Variants in PAPPA observed in about 807,000 individuals in gnomAD.
The protein encoded by PAPPA is pappalysin-1.
In PAPPA, 60 loss-of-function variants were observed where a neutral mutation model predicts 164.0. The observed-to-expected ratio is 0.37, with a 90% CI of 0.30 to 0.45. PAPPA has a LOEUF of 0.45. Among genes scored for constraint, PAPPA ranks in the 20% least tolerant of loss-of-function variants. PAPPA has a pLI of 1.00. For synonymous variants in PAPPA, 875 were observed against 814.1 expected, an observed-to-expected ratio of 1.07 and a Z score of -1.27; for missense variants, 1,782 against 2,087.3, an observed-to-expected ratio of 0.85 and a Z score of 2.85.
chr9:116,154,056 G>A lies in PAPPA; in HGVS notation c.-117G>A. 5 of 1,148,092 alleles carry A rather than the reference G, an allele frequency of 4.4e-6. No homozygotes were observed. Among genetic ancestry groups the A allele is most frequent in the Non-Finnish European group, 4.3e-6 (4 of 925,112 alleles). 71.1% of individuals were successfully genotyped at this position (1,148,092 alleles called of 1,614,324 possible). On this transcript the variant is annotated 5_prime_UTR_variant, in exon 1 of 22. Coordinates refer to ENST00000328252, the MANE Select transcript of PAPPA (RefSeq NM_002581.5). The surrounding 1 kb of genome is among the most constrained non-coding windows in gnomAD (Gnocchi z 5.2). ...AGAAAAGAAAAAAGCAAGTGGAAAG[G>A]GGGGCTCGCCCAAGAAGGGTGAAGA... is the stretch of plus-strand genomic sequence containing the variant.
At chr9:116,323,410 G>A (rs1251722393) in intron 10 of PAPPA, among the ~76,000 whole-genome samples, 2 of 152,166 alleles carry the variant, frequency 1.3e-5, no homozygotes, top group African/African-American at 4.8e-5. Flanking sequence ...ACCGGGCTAT[G>A]TTTCTCCATC....
chr9:116,358,521 T>C (rs1365282451), intron 17 of PAPPA, among the ~76,000 whole-genome samples: 1 of 152,202 alleles, frequency 6.6e-6, no homozygotes, highest in African/African-American at 2.4e-5. Context: ...TGTAAACTGG[T>C]TTGCCCTGTT....
rs78600109 is a variant in PAPPA at position 116,217,125 on chromosome 9, A to G, written c.1919-2812A>G. Reference sequence around the variant, plus strand: ...CCATTTTTTCAAACTTATTTTTATCAACAAATGTGAAAATGGTTCCATTTT... The same window carrying G: ...CCATTTTTTCAAACTTATTTTTATCGACAAATGTGAAAATGGTTCCATTTT... On this transcript the variant is annotated intron_variant, in intron 4 of 21. Transcript: ENST00000328252. Among the ~76,000 whole-genome samples, 1,114 of 152,310 alleles carry G rather than the reference A, an allele frequency of 7.3e-3. 17 individuals carry two copies. The highest frequency in any genetic ancestry group is 0.026 in the African/African-American group (1,070 of 41,566).
intron 5 of PAPPA, among the ~76,000 whole-genome samples, chr9:116,221,741 A>C (rs556024020): frequency 2.6e-4 from 39 of 152,332 alleles, no homozygotes; most frequent in Middle Eastern, 3.4e-3. Context: ...AAGCCACAAA[A>C]AGAAGCAAGA....
At position 116,335,083 on chromosome 9, in the gene PAPPA, T is replaced by A; in HGVS notation, c.3611+9T>A. The A allele has an allele frequency of 1.2e-6, 2 of 1,609,530 alleles. No individual in the cohort carries two copies. The highest frequency in any genetic ancestry group is 8.5e-7 in the Non-Finnish European group (1 of 1,177,800). On this transcript the variant is annotated intron_variant, in intron 13 of 21. Transcript: ENST00000328252. Reference sequence around the variant, plus strand: ...AGCCCTGCCGAGCAGAGGTAAGGGATCCGCGGCAGACTCGCCCTAGGCCAC... The same window carrying A: ...AGCCCTGCCGAGCAGAGGTAAGGGAACCGCGGCAGACTCGCCCTAGGCCAC...
intron 7 of PAPPA, among the ~76,000 whole-genome samples, chr9:116,263,254 G>A (rs545011872): frequency 2.0e-5 from 3 of 152,236 alleles, no homozygotes; most frequent in African/African-American, 7.2e-5. Flanking sequence ...GACGTTACAG[G>A]GACACAGATT....
chr9:116,386,750 C>T (rs1846819140), intron 21 of PAPPA, among the ~76,000 whole-genome samples: 1 of 152,192 alleles, frequency 6.6e-6, no homozygotes, highest in South Asian at 2.1e-4. Flanking sequence ...GCCCAGACTG[C>T]CAGGGAACTT....
chr9:116,371,721 A>AACTT (rs1231208035), intron 19 of PAPPA, among the ~76,000 whole-genome samples: 2 of 151,908 alleles, frequency 1.3e-5, no homozygotes, highest in Non-Finnish European at 1.5e-5. Flanking sequence ...ATTGAGCTAT[A>AACTT]ACTTACTTCT....
rs752716344 is a variant in PAPPA, at chr9:116,154,584, A to T, written c.412A>T (p.Thr138Ser). 3.7e-6 allele frequency: 5 copies of T among 1,367,832 alleles called. No homozygotes were observed. In the South Asian group the frequency reaches 6.8e-5, roughly 19 times the overall value. 84.7% of individuals were successfully genotyped at this position (1,367,832 alleles called of 1,614,324 possible). A position where few individuals can be genotyped will look rare whatever the true frequency, so the allele number is the denominator to read the frequency against. ...GGGCCAGAGGTCTCCGGCAGTGATC[A>T]CAGGTAGGTGAGGGCGCCTCGGCGG... Reference protein sequence around the residue: ...EGGQRSPAVITGLYDKCSYIS... With the variant: ...EGGQRSPAVISGLYDKCSYIS... Residue 138 changes from threonine (T) to serine (S), a missense_variant, in exon 1 of 22, where the codon ACA becomes TCA. Transcript: ENST00000328252. The surrounding 1 kb of genome is among the most constrained non-coding windows in gnomAD (Gnocchi z 5.2).
Position 116,231,549 on chromosome 9 carries a change from G to C in PAPPA, c.2234-3590G>C, listed in dbSNP as rs567817469. 8.5e-5 allele frequency among the ~76,000 whole-genome samples: 13 copies of C among 152,090 alleles called. No homozygotes were observed. In the South Asian group the frequency reaches 2.7e-3, roughly 32 times the overall value. On this transcript the variant is annotated intron_variant, in intron 6 of 21. Coordinates refer to ENST00000328252, the MANE Select transcript of PAPPA (RefSeq NM_002581.5). ...CCTAACTAGTCTTGCAAGACTAAAA[G>C]CTCCCTGAGAACAGAGATCATGTTG...
intron 13 of PAPPA, among the ~76,000 whole-genome samples, chr9:116,340,294 C>T (rs577115095): frequency 4.5e-4 from 68 of 152,198 alleles, no homozygotes; most frequent in South Asian, 3.3e-3. Context: ...TTATTTGAGA[C>T]GGTCAGTTAG....
intron 5 of PAPPA, among the ~76,000 whole-genome samples, chr9:116,222,893 A>G (rs1844462741): frequency 6.6e-6 from 1 of 152,220 alleles, no homozygotes; most frequent in Non-Finnish European, 1.5e-5. Flanking sequence ...TTGTTAATTT[A>G]CCCAATTTAA....
At chr9:116,296,142 T>C (rs928529956) in intron 9 of PAPPA, among the ~76,000 whole-genome samples, 2 of 152,204 alleles carry the variant, frequency 1.3e-5, no homozygotes, top group Non-Finnish European at 2.9e-5. Context: ...GGGGTTTAAT[T>C]TTGAAAACTG....
rs79680808 is a variant in PAPPA at position 116,339,504 on chromosome 9, C to T, written c.3611+4430C>T. Among the ~76,000 whole-genome samples, 796 of 152,284 alleles carry T rather than the reference C, an allele frequency of 5.2e-3. 5 individuals are homozygous for T. Among genetic ancestry groups the T allele is most frequent in the East Asian group, 0.031 (162 of 5,180 alleles). ...CTTTTAGGATCATTCCCCCAGGTGCCTCATTTCTGGGTAGAAAAATGAGGT... is the reference window on the plus strand; with the variant it reads ...CTTTTAGGATCATTCCCCCAGGTGCTTCATTTCTGGGTAGAAAAATGAGGT... On this transcript the variant is annotated intron_variant, in intron 13 of 21. Coordinates refer to ENST00000328252, the MANE Select transcript of PAPPA (RefSeq NM_002581.5).
chr9:116,367,696 T>A lies in PAPPA; in HGVS notation c.4547T>A (p.Leu1516Gln), dbSNP rs1846520111. 4.3e-6 allele frequency: 7 copies of A among 1,613,972 alleles called. No homozygotes were observed. The highest frequency in any genetic ancestry group is 2.7e-5 in the African/African-American group (2 of 74,914). Residue 1516 changes from leucine (L) to glutamine (Q), a missense_variant, in exon 19 of 22, where the codon CTG (leucine) becomes CAG (glutamine). Leu to Gln is a moderately radical substitution (Grantham distance 113). Around this residue, in one of 2 missense-constraint regions of PAPPA, gnomAD observed 1,324 missense variants for 1,656.9 expected, o/e 0.80. Transcript: ENST00000328252. Reference protein sequence around the residue: ...CLDHNSESIILPMNVTVRDIP... With the variant: ...CLDHNSESIIQPMNVTVRDIP... ...GACCACAACAGCGAGTCCATCATCC[T>A]GCCAATGAACGTGACCGTGCGTGAC...
chr9:116,238,503 A>G (rs1450586629), intron 7 of PAPPA, among the ~76,000 whole-genome samples: 2 of 152,228 alleles, frequency 1.3e-5, no homozygotes, highest in African/African-American at 4.8e-5. Flanking sequence ...TGGAAACAGT[A>G]TTAGGATGAC....
chr9:116,388,291 T>C (rs575703104), intron 21 of PAPPA, among the ~76,000 whole-genome samples: 42 of 152,316 alleles, frequency 2.8e-4, no homozygotes, highest in African/African-American at 9.4e-4. Context: ...GTTGGAGCCT[T>C]GAGGAGCCTC....
intron 10 of PAPPA, among the ~76,000 whole-genome samples, chr9:116,307,543 G>A (rs1845662364): frequency 6.6e-6 from 1 of 152,044 alleles, no homozygotes; most frequent in African/African-American, 2.4e-5. Flanking sequence ...CGGTTGCAGT[G>A]AGCCGAGACG....
intron 17 of PAPPA, among the ~76,000 whole-genome samples, chr9:116,355,877 C>G (rs769029687): frequency 6.6e-6 from 1 of 152,182 alleles, no homozygotes; most frequent in South Asian, 2.1e-4. Flanking sequence ...ACTCCTAATA[C>G]AATTGACGTT....
Sources: gnomAD v4.1 joint callset for allele counts (sites outside exome capture counted in the v4.1 genomes callset) on GRCh38, gnomAD v4.1.1 for gene constraint, gnomAD v4.1.1 regional missense constraint, Gnocchi (gnomAD v3.1) non-coding constraint, MANE v1.5 for transcripts, NCBI Gene and HGNC (gene_info 2026-07-23, HGNC 2026-07-21) for gene names.